Variants in CCDC7 observed in about 807,000 individuals in gnomAD.
CCDC7 encodes the protein coiled-coil domain-containing protein 7.
CCDC7 carries 183 observed loss-of-function variants against 196.9 expected under a neutral mutation model. The ratio of observed to expected loss-of-function variants is 0.93; its 90% CI spans 0.82 to 1.05. CCDC7 has a LOEUF of 1.05. Ranked by LOEUF, CCDC7 falls within the 50% of genes least tolerant of loss-of-function variation. The probability of loss-of-function intolerance (pLI) is 0.00; values close to 1 mark genes in which losing one functional copy is unlikely to be tolerated. For missense variants in CCDC7, 1,540 were observed against 1,482.2 expected, an observed-to-expected ratio of 1.04 and a Z score of -0.64; for synonymous variants, 525 against 484.6, an observed-to-expected ratio of 1.08 and a Z score of -1.10.
intron 21 of CCDC7, among the ~76,000 whole-genome samples, chr10:32,677,427 C>A (rs374271172): frequency 6.6e-6 from 1 of 151,884 alleles, no homozygotes; most frequent in African/African-American, 2.4e-5. Flanking sequence ...TGTTGATTAA[C>A]TCCCTAAATT....
At chr10:32,751,379 C>G (rs1367547995) in intron 28 of CCDC7, among the ~76,000 whole-genome samples, 1 of 152,012 alleles carries the variant, frequency 6.6e-6, no homozygotes, top group Non-Finnish European at 1.5e-5. Flanking sequence ...TATTTAATGG[C>G]ATGGGATCCC....
intron 18 of CCDC7, among the ~76,000 whole-genome samples, chr10:32,629,856 T>C (rs2064592119): frequency 6.6e-6 from 1 of 152,198 alleles, no homozygotes; most frequent in African/African-American, 2.4e-5. Flanking sequence ...CTGGAATTAT[T>C]GCAGGAGCAT....
intron 28 of CCDC7, among the ~76,000 whole-genome samples, chr10:32,733,143 T>A (rs1269130096): frequency 6.6e-6 from 1 of 152,108 alleles, no homozygotes; most frequent in Non-Finnish European, 1.5e-5. Flanking sequence ...ATATCTGTTA[T>A]AAAAATTTAA....
chr10:32,678,217 C>CT (rs1475484654), intron 21 of CCDC7, among the ~76,000 whole-genome samples: 1 of 151,948 alleles, frequency 6.6e-6, no homozygotes, highest in Non-Finnish European at 1.5e-5. Context: ...GGTCATAGAT[C>CT]TGCATTTTTA....
At chr10:32,601,044 G>A (rs534410278) in intron 18 of CCDC7, among the ~76,000 whole-genome samples, 84 of 151,954 alleles carry the variant, frequency 5.5e-4, no homozygotes, top group African/African-American at 2.0e-3. Context: ...ACTGCCTCTG[G>A]CCTCCATAGT....
At chr10:32,524,432 C>T (rs116672755) in intron 11 of CCDC7, among the ~76,000 whole-genome samples, 1 of 152,136 alleles carries the variant, frequency 6.6e-6, no homozygotes, top group Non-Finnish European at 1.5e-5. Context: ...TATGGTGTTA[C>T]ATGATTCTGT....
chr10:32,483,973 A>G (rs555640445), intron 8 of CCDC7, among the ~76,000 whole-genome samples: 1 of 152,308 alleles, frequency 6.6e-6, no homozygotes, highest in African/African-American at 2.4e-5. Context: ...TGACTTGGCA[A>G]TGTGGGCTCT....
intron 18 of CCDC7, among the ~76,000 whole-genome samples, chr10:32,605,115 T>C (rs2061435812): frequency 6.6e-6 from 1 of 151,988 alleles, no homozygotes; most frequent in Non-Finnish European, 1.5e-5. Context: ...ATGTGACACC[T>C]CCCCCACTCA....
intron 32 of CCDC7, among the ~76,000 whole-genome samples, chr10:32,827,754 T>C (rs972419830): frequency 1.3e-5 from 2 of 152,168 alleles, no homozygotes; most frequent in African/African-American, 2.4e-5. Context: ...GTAACAAACC[T>C]GCACGTTGTG....
intron 9 of CCDC7, chr10:32,512,827 A>G (rs1212731411): frequency 1.3e-5 from 2 of 152,186 alleles, no homozygotes; most frequent in African/African-American, 4.8e-5. Context: ...AAATTGGCCA[A>G]TAAACATTTT....
chr10:32,646,917 T>C (rs1471462820), intron 20 of CCDC7, among the ~76,000 whole-genome samples: 1 of 152,220 alleles, frequency 6.6e-6, no homozygotes, highest in Non-Finnish European at 1.5e-5. Context: ...ACGATCTCAT[T>C]CTTTCTAATG....
At chr10:32,676,348 A>G (rs1185936543) in intron 21 of CCDC7, among the ~76,000 whole-genome samples, 1 of 152,094 alleles carries the variant, frequency 6.6e-6, no homozygotes, top group Admixed American at 6.6e-5. Flanking sequence ...AGCAATGGCA[A>G]CAAAGCCAAA....
intron 24 of CCDC7, among the ~76,000 whole-genome samples, chr10:32,708,071 A>G (rs2080111707): frequency 6.6e-6 from 1 of 152,168 alleles, no homozygotes; most frequent in Non-Finnish European, 1.5e-5. Context: ...ACTTCAAACT[A>G]TACTACAAGG....
chr10:32,683,692 C>T (rs145876071), intron 21 of CCDC7, among the ~76,000 whole-genome samples: 1 of 152,058 alleles, frequency 6.6e-6, no homozygotes, highest in Non-Finnish European at 1.5e-5. Context: ...GATCTTTCAC[C>T]CTGCTGGTGA....
At chr10:32,732,079 A>G (rs2084082362) in intron 28 of CCDC7, among the ~76,000 whole-genome samples, 1 of 152,088 alleles carries the variant, frequency 6.6e-6, no homozygotes, top group Non-Finnish European at 1.5e-5. Flanking sequence ...CTGATAGGAA[A>G]CTTTGAATGG....
At chr10:32,563,328 G>C (rs1011433776) in intron 13 of CCDC7, among the ~76,000 whole-genome samples, 1 of 152,130 alleles carries the variant, frequency 6.6e-6, no homozygotes, top group Non-Finnish European at 1.5e-5. Context: ...CCAAAAAAGA[G>C]CCCGCATTGC....
intron 37 of CCDC7, among the ~76,000 whole-genome samples, chr10:32,847,449 G>A (rs956517014): frequency 4.6e-5 from 7 of 152,078 alleles, no homozygotes; most frequent in African/African-American, 1.4e-4. Context: ...TGTGTTCTTA[G>A]AGTTAAAGGA....
intron 11 of CCDC7, among the ~76,000 whole-genome samples, chr10:32,532,340 T>C (rs966488762): frequency 6.6e-6 from 1 of 152,172 alleles, no homozygotes. Context: ...TGTGTATTTT[T>C]TGAGGTTTTC....
At chr10:32,825,546 C>G (rs1222272056) in intron 32 of CCDC7, among the ~76,000 whole-genome samples, 2 of 152,134 alleles carry the variant, frequency 1.3e-5, no homozygotes, top group African/African-American at 2.4e-5. Context: ...ATATCTATAT[C>G]TATATCTTCT....
Sources: gnomAD v4.1 joint callset for allele counts (sites outside exome capture counted in the v4.1 genomes callset) on GRCh38, gnomAD v4.1.1 for gene constraint, MANE v1.5 for transcripts, NCBI Gene and HGNC (gene_info 2026-07-23, HGNC 2026-07-21) for gene names.